Variants in NAA20 observed in about 807,000 individuals in gnomAD.
The protein encoded by NAA20 is N-alpha-acetyltransferase 20.
NAA20 carries 24 observed loss-of-function variants against 23.8 expected under a neutral mutation model. The ratio of observed to expected loss-of-function variants is 1.01; its 90% CI spans 0.73 to 1.42. The LOEUF is 1.42. Ranked by LOEUF, NAA20 falls within the 40% of genes most tolerant of loss-of-function variation. The pLI is 0.00. For missense variants in NAA20, 166 were observed against 223.1 expected (o/e 0.74, Z 1.63); for synonymous variants, 83 against 77.7 (o/e 1.07, Z -0.36).
At chr20:20,019,140 C>T (rs912071986) in intron 1 of NAA20, among the ~76,000 whole-genome samples, 2 of 152,190 alleles carry the variant, frequency 1.3e-5, no homozygotes, top group African/African-American at 4.8e-5. Context: ...ACTTACTGCC[C>T]TGTTGTTTTT....
At chr20:20,020,129 C>T (rs1601123225) in intron 1 of NAA20, among the ~76,000 whole-genome samples, 1 of 152,166 alleles carries the variant, frequency 6.6e-6, no homozygotes, top group Non-Finnish European at 1.5e-5. Context: ...TAGATTTTCC[C>T]CTCTAAACAC....
At chr20:20,026,266 C>G (rs2043305547) in intron 3 of NAA20, among the ~76,000 whole-genome samples, 1 of 151,088 alleles carries the variant, frequency 6.6e-6, no homozygotes. Flanking sequence ...GATCATGCCA[C>G]TGCACTCCAG....
At chr20:20,023,226 G>A (rs2043283098) in intron 2 of NAA20, among the ~76,000 whole-genome samples, 1 of 151,004 alleles carries the variant, frequency 6.6e-6, no homozygotes, top group Admixed American at 6.6e-5. Context: ...CCGGGAGGCA[G>A]AGGTTGCAGT....
chr20:20,024,312 T>A (rs149510931), intron 2 of NAA20, among the ~76,000 whole-genome samples: 30 of 152,294 alleles, frequency 2.0e-4, no homozygotes, highest in African/African-American at 4.8e-4. Context: ...ATGACCCAGG[T>A]GTCCATTGTC....
rs535257374 is a variant in NAA20, at chr20:20,017,831, C to T, written c.53+382C>T. ...CTGGGCTTCTCGCCCTGCCCTACTG[C>T]TTGCTGGTTCGTGGCCGGGCCGCGC... On this transcript the variant is annotated intron_variant, in intron 1 of 5. Transcript: ENST00000334982. 516 of 1,506,396 alleles carry T rather than the reference C, an allele frequency of 3.4e-4. 3 individuals are homozygous for T. In the South Asian group the frequency reaches 5.3e-3, roughly 16 times the overall value. The allele number at this position is 1,506,396 out of a possible 1,614,324, so 93.3% of individuals were successfully genotyped here.
intron 2 of NAA20, among the ~76,000 whole-genome samples, chr20:20,023,078 G>A (rs746137963): frequency 2.6e-5 from 4 of 152,098 alleles, no homozygotes; most frequent in South Asian, 4.1e-4. Flanking sequence ...GAGGTCAGGC[G>A]TTCAAGACCA....
Position 20,017,444 on chromosome 20 carries a change from C to T in NAA20, c.48C>T (p.Asn16=), listed in dbSNP as rs779339648. The T allele has an allele frequency of 6.2e-7, 1 of 1,611,234 alleles. No individual in the cohort carries two copies. The highest frequency in any genetic ancestry group is 8.5e-7 in the Non-Finnish European group (1 of 1,179,132). Residue 16 remains asparagine, a synonymous_variant, in exon 1 of 6, where the codon AAC becomes AAT. Transcript: ENST00000334982. ...AFTCDDLFRF[N]NINLDPLTET... is the part of the protein sequence containing the mutation. The stretch of plus-strand genomic sequence containing the variant: ...CCTGCGACGACCTGTTCCGCTTCAA[C>T]AACATGTGAGTGACACGCGCCTAGG...
chr20:20,018,140 G>A (rs1385941757), intron 1 of NAA20: 1 of 1,549,628 alleles, frequency 6.5e-7, no homozygotes, highest in Non-Finnish European at 8.9e-7. Flanking sequence ...GGCTCGCTGT[G>A]CCCAGAGCCC....
intron 1 of NAA20, among the ~76,000 whole-genome samples, chr20:20,019,741 C>T (rs559106902): frequency 1.5e-4 from 23 of 152,326 alleles, no homozygotes; most frequent in African/African-American, 4.8e-4. Context: ...CGTGCTGCCA[C>T]ACCCCACTAA....
intron 4 of NAA20, among the ~76,000 whole-genome samples, chr20:20,030,854 TTATATA>T (rs1005087234): frequency 6.6e-6 from 1 of 151,934 alleles, no homozygotes. Flanking sequence ...TCAATTGTAT[TTATATA>T]TATATAAACA....
intron 1 of NAA20, among the ~76,000 whole-genome samples, chr20:20,020,942 G>A (rs544609401): frequency 9.1e-4 from 137 of 150,966 alleles, no homozygotes; most frequent in African/African-American, 3.2e-3. Context: ...GGAGGGTCCC[G>A]AGTACTGAGG....
intron 4 of NAA20, among the ~76,000 whole-genome samples, chr20:20,027,746 A>G (rs1297213268): frequency 6.8e-6 from 1 of 147,776 alleles, no homozygotes; most frequent in Non-Finnish European, 1.5e-5. Flanking sequence ...AACTGCCAGC[A>G]TGGCATTTTT....
At chr20:20,029,997 A>G (rs2043332201) in intron 4 of NAA20, among the ~76,000 whole-genome samples, 1 of 152,212 alleles carries the variant, frequency 6.6e-6, no homozygotes, top group Non-Finnish European at 1.5e-5. Flanking sequence ...AATTTCAATC[A>G]GTAGCCCAAA....
chr20:20,029,463 A>G (rs2043327663), intron 4 of NAA20, among the ~76,000 whole-genome samples: 2 of 151,980 alleles, frequency 1.3e-5, no homozygotes, highest in Non-Finnish European at 2.9e-5. Flanking sequence ...CTAAAAATAC[A>G]AAAATTAGCC....
intron 4 of NAA20, among the ~76,000 whole-genome samples, chr20:20,029,881 TTTTTGTTTTG>T (rs144371833): frequency 0.025 from 3,833 of 151,932 alleles, 136 homozygotes; most frequent in African/African-American, 0.082. Flanking sequence ...GTTACATAGT[TTTTTGTTTTG>T]TTTTGTTTTG....
At chr20:20,028,299 G>A (rs1268335692) in intron 4 of NAA20, among the ~76,000 whole-genome samples, 2 of 152,256 alleles carry the variant, frequency 1.3e-5, no homozygotes, top group East Asian at 1.9e-4. Flanking sequence ...GAGAACACAT[G>A]GACACAGGGA....
intron 2 of NAA20, 75 bp from the exon 3 acceptor site, chr20:20,025,602 A>G (rs2043301333): frequency 9.1e-7 from 1 of 1,102,502 alleles, no homozygotes; most frequent in Admixed American, 1.8e-5. Context: ...TTTAAAGGAA[A>G]CTTTTTTTAC....
chr20:20,028,028 T>C (rs1367931724), intron 4 of NAA20, among the ~76,000 whole-genome samples: 1 of 152,150 alleles, frequency 6.6e-6, no homozygotes, highest in Non-Finnish European at 1.5e-5. Context: ...TTTAAAGAAG[T>C]ATCTGTGGCC....
chr20:20,018,977 C>G, intron 1 of NAA20: 1 of 976,326 alleles, frequency 1.0e-6, no homozygotes, highest in Non-Finnish European at 1.2e-6. Flanking sequence ...AACGCACATT[C>G]CGTTTGCGAT....
Sources: allele counts gnomAD v4.1 joint callset (sites outside exome capture counted in the v4.1 genomes callset), GRCh38; gene constraint gnomAD v4.1.1; transcripts MANE v1.5; gene names NCBI Gene and HGNC (gene_info 2026-07-23, HGNC 2026-07-21).